Variants in RELB observed in about 807,000 individuals in gnomAD.
RELB encodes RELB proto-oncogene, NF-kB subunit.
In RELB, 14 loss-of-function variants were observed where a neutral mutation model predicts 55.4. That is an observed-to-expected ratio of 0.25 (90% CI 0.17 to 0.40). The LOEUF is 0.40. Ranked by LOEUF, RELB falls within the 10% of genes least tolerant of loss-of-function variation. RELB has a pLI of 1.00. For synonymous variants in RELB, 409 were observed against 371.3 expected, an observed-to-expected ratio of 1.10 and a Z score of -1.17; for missense variants, 669 against 830.7, an observed-to-expected ratio of 0.81 and a Z score of 2.39.
At chr19:45,005,432 C>G (rs148569541) in intron 2 of RELB, among the ~76,000 whole-genome samples, 1 of 152,204 alleles carries the variant, frequency 6.6e-6, no homozygotes, top group East Asian at 1.9e-4. Context: ...CTCAGTGGCT[C>G]CAGTTAGCTG....
At chr19:45,005,164 C>T (rs182995114) in intron 2 of RELB, among the ~76,000 whole-genome samples, 1 of 152,204 alleles carries the variant, frequency 6.6e-6, no homozygotes. Context: ...GAGCAAGAGC[C>T]TCCGTCTCAG....
chr19:45,021,925 T>C (rs780301959), intron 4 of RELB, 128 bp from the exon 5 acceptor site: 1 of 921,774 alleles, frequency 1.1e-6, no homozygotes, highest in Non-Finnish European at 1.6e-6. Context: ...CGGGAGAAGG[T>C]TGGGGAGCTC....
intron 7 of RELB, among the ~76,000 whole-genome samples, chr19:45,028,194 TC>T (rs1481101909): frequency 6.6e-6 from 1 of 151,870 alleles, no homozygotes; most frequent in Non-Finnish European, 1.5e-5. Flanking sequence ...ATTTTTTTTT[TC>T]TTTTTTGAGA....
At chr19:45,028,182 C>G in intron 7 of RELB, among the ~76,000 whole-genome samples, 1 of 151,850 alleles carries the variant, frequency 6.6e-6, no homozygotes, top group East Asian at 1.9e-4. Flanking sequence ...TCATGCCTGG[C>G]AATTTTTTTT....
intron 3 of RELB, among the ~76,000 whole-genome samples, chr19:45,010,803 G>C (rs187270432): frequency 2.1e-3 from 316 of 152,104 alleles, no homozygotes; most frequent in African/African-American, 7.0e-3. Context: ...TCAGCCTCCC[G>C]AGTAGCTGGG....
intron 9 of RELB, among the ~76,000 whole-genome samples, chr19:45,033,577 C>T (rs1049046808): frequency 7.9e-5 from 12 of 151,480 alleles, no homozygotes; most frequent in South Asian, 2.1e-4. Flanking sequence ...CCCAGCTACT[C>T]GGGAGGCTGA....
intron 11 of RELB, among the ~76,000 whole-genome samples, chr19:45,036,961 C>T (rs935937108): frequency 2.0e-5 from 3 of 152,028 alleles, no homozygotes; most frequent in Non-Finnish European, 4.4e-5. Flanking sequence ...GTGATAGTCC[C>T]ACACGGATTC....
chr19:45,026,114 C>T (rs866431043), intron 7 of RELB, among the ~76,000 whole-genome samples: 9 of 152,142 alleles, frequency 5.9e-5, no homozygotes, highest in African/African-American at 1.9e-4. Flanking sequence ...CAGTGGCAGG[C>T]GACTATAATC....
chr19:45,020,023 G>A (rs905658359), intron 4 of RELB, among the ~76,000 whole-genome samples: 2 of 151,670 alleles, frequency 1.3e-5, no homozygotes, highest in African/African-American at 2.4e-5. Context: ...CTCCCAAAGC[G>A]TCGGGATTAC....
chr19:45,019,867 G>A (rs1485813212), intron 4 of RELB, among the ~76,000 whole-genome samples: 1 of 152,014 alleles, frequency 6.6e-6, no homozygotes, highest in Non-Finnish European at 1.5e-5. Context: ...AGTAGAGACG[G>A]TGTTTCTCCA....
At chr19:45,037,073 G>T (rs1971694674) in intron 11 of RELB, among the ~76,000 whole-genome samples, 1 of 152,130 alleles carries the variant, frequency 6.6e-6, no homozygotes, top group Admixed American at 6.6e-5. Context: ...GAGGTCAGGA[G>T]TTCGAGACCA....
At chr19:45,011,463 A>G (rs1971350024) in intron 3 of RELB, among the ~76,000 whole-genome samples, 1 of 144,162 alleles carries the variant, frequency 6.9e-6, no homozygotes, top group Non-Finnish European at 1.5e-5. Context: ...CGCCCAGCCT[A>G]TTATTTATTG....
At chr19:45,026,865 C>G (rs1045473348) in intron 7 of RELB, among the ~76,000 whole-genome samples, 1 of 152,132 alleles carries the variant, frequency 6.6e-6, no homozygotes, top group African/African-American at 2.4e-5. Context: ...TTTTAGCCAA[C>G]CCATAGTGAC....
At chr19:45,022,437 CTG>C (rs1328830250) in intron 5 of RELB, among the ~76,000 whole-genome samples, 1 of 152,118 alleles carries the variant, frequency 6.6e-6, no homozygotes, top group Non-Finnish European at 1.5e-5. Flanking sequence ...GAGGAAGAAA[CTG>C]AGGCTCAGAG....
At position 45,030,879 on chromosome 19, in the gene RELB, G is replaced by A. The variant is rs1010154902; in HGVS notation, c.992-1655G>A. ...AAGTTATAACAGAGTTGGTAGTGAA[G>A]AGTTCTAGCCTTCCTGGGTTTCCAT... On this transcript the variant is annotated intron_variant, in intron 8 of 11. Transcript: ENST00000221452. 3.3e-5 allele frequency among the ~76,000 whole-genome samples: 5 copies of A among 152,210 alleles called. No individual in the cohort carries two copies. The South Asian group carries it at 1.0e-3, about 31-fold the overall frequency.
intron 10 of RELB, 34 bp downstream of exon 10, chr19:45,034,346 C>T (rs1776583402): frequency 2.5e-6 from 4 of 1,610,318 alleles, no homozygotes; most frequent in Admixed American, 1.7e-5. Context: ...ACCCCCATCC[C>T]CAGGTTCTGG....
In RELB at chr19:45,037,421, G is replaced by T. The variant is rs763823095; in HGVS notation, c.1371G>T (p.Pro457=). Residue 457 remains proline, a synonymous_variant, in exon 12 of 12, where the codon CCG becomes CCT. Coordinates refer to ENST00000221452, the MANE Select transcript of RELB (RefSeq NM_006509.4). ...TCCCCGTAGGCCCGTTCCTCCCGCC[G>T]TCAGCCCTGCTGCCAGACCCTGACT... The part of the protein sequence containing the change: ...PNHGSGPFLP[P]SALLPDPDFF... 1 of 1,583,260 alleles carries T rather than the reference G, an allele frequency of 6.3e-7. No individual in the cohort carries two copies. The highest frequency in any genetic ancestry group is 1.3e-5 in the African/African-American group (1 of 74,142).
At chr19:45,014,385 G>A (rs1025517358) in intron 4 of RELB, among the ~76,000 whole-genome samples, 10 of 151,824 alleles carry the variant, frequency 6.6e-5, no homozygotes, top group African/African-American at 2.4e-4. Context: ...TGTCCAGGCT[G>A]GTCTTGAACT....
chr19:45,034,372 C>T (rs1429094607), intron 10 of RELB, 60 bp downstream of exon 10: 10 of 1,601,408 alleles, frequency 6.2e-6, no homozygotes, highest in East Asian at 2.2e-5. Flanking sequence ...GGACAGCTGA[C>T]CCCACTGCCC....
Sources: gnomAD v4.1 joint callset for allele counts (sites outside exome capture counted in the v4.1 genomes callset) on GRCh38, gnomAD v4.1.1 for gene constraint, MANE v1.5 for transcripts, NCBI Gene and HGNC (gene_info 2026-07-23, HGNC 2026-07-21) for gene names.